Variants in LRP1B observed in about 807,000 individuals in gnomAD.
LRP1B encodes the protein LDL receptor related protein 1B.
Under a neutral mutation model 556.6 loss-of-function variants are expected in LRP1B, and 217 were observed. The observed-to-expected ratio is 0.39, with a 90% CI of 0.35 to 0.44. The LOEUF (loss-of-function observed/expected upper bound fraction) is 0.44. Among genes scored for constraint, LRP1B ranks in the 20% least tolerant of loss-of-function variants. The pLI, the probability that LRP1B is intolerant of heterozygous loss-of-function variation, is 1.00. For missense variants in LRP1B, 5,053 were observed against 5,620.8 expected (o/e 0.90, Z 3.23); for synonymous variants, 2,047 against 1,865.8 (o/e 1.10, Z -2.50).
At chr2:140,601,314 A>T (rs1682663337) in intron 42 of LRP1B, 136 bp downstream of exon 42, 2 of 810,270 alleles carry the variant, frequency 2.5e-6, no homozygotes, top group South Asian at 3.1e-5. Flanking sequence ...ACATAAAAAA[A>T]AAAGTTTTAT....
At chr2:142,034,762 C>T (rs1231682540) in intron 1 of LRP1B, among the ~76,000 whole-genome samples, 1 of 151,720 alleles carries the variant, frequency 6.6e-6, no homozygotes, top group African/African-American at 2.4e-5. Flanking sequence ...TCACATTAAT[C>T]ATTAATATGC....
intron 20 of LRP1B, among the ~76,000 whole-genome samples, chr2:140,926,947 A>G (rs1034648475): frequency 2.6e-5 from 4 of 152,070 alleles, no homozygotes; most frequent in African/African-American, 9.7e-5. Flanking sequence ...CTTATGCTTT[A>G]TATTCATTAC....
chr2:142,009,588 T>C (rs1702893587), intron 1 of LRP1B, among the ~76,000 whole-genome samples: 1 of 152,114 alleles, frequency 6.6e-6, no homozygotes, highest in Non-Finnish European at 1.5e-5. Flanking sequence ...AGAGTGTCCA[T>C]AATAAAATCT....
intron 41 of LRP1B, among the ~76,000 whole-genome samples, chr2:140,675,166 C>T (rs1330165186): frequency 6.6e-6 from 1 of 152,200 alleles, no homozygotes; most frequent in East Asian, 1.9e-4. Flanking sequence ...ATTATCTAAT[C>T]CAGGACAATT....
At chr2:141,150,452 C>T (rs756584349) in intron 7 of LRP1B, among the ~76,000 whole-genome samples, 58 of 152,096 alleles carry the variant, frequency 3.8e-4, no homozygotes, top group Non-Finnish European at 7.4e-4. Flanking sequence ...CAAAGTGTTT[C>T]CCTTCACTCT....
rs534342610 is a variant in LRP1B at position 142,002,490 on chromosome 2, A to G, written c.82+128158T>C. Among the ~76,000 whole-genome samples, 14 of 151,692 alleles carry G rather than the reference A, an allele frequency of 9.2e-5. No homozygotes were observed. The South Asian group carries it at 2.9e-3, about 32-fold the overall frequency. ...AAGGATAAGTGCTGCTAGCCCTTTT[A>G]TTTCACTGCTTGGTGTGATACCATC... is the stretch of plus-strand genomic sequence containing the variant. On this transcript the variant is annotated intron_variant, in intron 1 of 90. Transcript: ENST00000389484.
chr2:140,939,885 ATTTT>A (rs3063651), intron 20 of LRP1B, among the ~76,000 whole-genome samples: 1 of 132,648 alleles, frequency 7.5e-6, no homozygotes, highest in Non-Finnish European at 1.6e-5. Flanking sequence ...ATTTGGTGTA[ATTTT>A]TTTTTTTTTT....
chr2:140,817,396 C>A (rs1168518485), intron 31 of LRP1B, among the ~76,000 whole-genome samples: 1 of 151,832 alleles, frequency 6.6e-6, no homozygotes, highest in Non-Finnish European at 1.5e-5. Context: ...CTTATCTTTT[C>A]TATTTTTATA....
At chr2:141,121,375 G>A (rs941582082) in intron 7 of LRP1B, among the ~76,000 whole-genome samples, 3 of 151,798 alleles carry the variant, frequency 2.0e-5, no homozygotes, top group African/African-American at 7.3e-5. Flanking sequence ...TTATGGTTAG[G>A]GCACAGACAT....
Position 140,370,801 on chromosome 2 carries a change from G to A in LRP1B, c.10917C>T (p.Cys3639=), listed in dbSNP as rs1273404365. ...TTGGAATACAGTGGGCTTTATTTTT[G>A]CACCGAAACTGATCTTCCTTACATT... is the stretch of plus-strand genomic sequence containing the variant. ...VTECKEDQFR[C]KNKAHCIPIR... is the part of the protein sequence containing the mutation. Residue 3639 remains cysteine (C), a synonymous_variant, in exon 71 of 91, where the codon TGC becomes TGT. Coordinates refer to ENST00000389484, the MANE Select transcript of LRP1B (RefSeq NM_018557.3). 4 of 1,612,474 alleles carry A rather than the reference G, an allele frequency of 2.5e-6. No homozygotes were observed. Among genetic ancestry groups the A allele is most frequent in the Non-Finnish European group, 3.4e-6 (4 of 1,179,074 alleles).
chr2:142,124,149 C>A (rs550215472), intron 1 of LRP1B, among the ~76,000 whole-genome samples: 1 of 151,782 alleles, frequency 6.6e-6, no homozygotes, highest in Admixed American at 6.6e-5. Flanking sequence ...GGTGTTAAGC[C>A]CAGTGCCCAA....
intron 45 of LRP1B, among the ~76,000 whole-genome samples, chr2:140,539,213 T>G (rs2105011674): frequency 6.6e-6 from 1 of 152,212 alleles, no homozygotes; most frequent in South Asian, 2.1e-4. Context: ...GTACATGGCC[T>G]TTCACCCCTT....
chr2:141,934,087 T>C (rs553671888), intron 1 of LRP1B, among the ~76,000 whole-genome samples: 177 of 152,284 alleles, frequency 1.2e-3, no homozygotes, highest in African/African-American at 4.1e-3. Context: ...AATTATAAAA[T>C]AGCCAAGGAT....
At chr2:140,845,373 A>G (rs751253555) in intron 29 of LRP1B, among the ~76,000 whole-genome samples, 9 of 152,170 alleles carry the variant, frequency 5.9e-5, no homozygotes, top group Non-Finnish European at 1.2e-4. Flanking sequence ...ATAAAGTTAA[A>G]CTGATTCCTG....
chr2:140,483,174 T>A (rs1688311025), intron 59 of LRP1B, among the ~76,000 whole-genome samples: 1 of 152,196 alleles, frequency 6.6e-6, no homozygotes, highest in Admixed American at 6.5e-5. Flanking sequence ...TTGGTTATAA[T>A]ATGACATATC....
At chr2:141,609,617 C>T (rs1006089430) in intron 2 of LRP1B, among the ~76,000 whole-genome samples, 5 of 152,178 alleles carry the variant, frequency 3.3e-5, no homozygotes, top group Non-Finnish European at 5.9e-5. Context: ...TCAGCACTCA[C>T]AATTCATAAA....
At chr2:140,487,448 A>T (rs971480180) in intron 58 of LRP1B, among the ~76,000 whole-genome samples, 169 bp downstream of exon 58, 1 of 151,966 alleles carries the variant, frequency 6.6e-6, no homozygotes, top group Non-Finnish European at 1.5e-5. Context: ...TAAGAATAAA[A>T]GGTCTCATTT....
intron 23 of LRP1B, chr2:140,899,048 G>T: frequency 6.8e-6 from 2 of 293,434 alleles, no homozygotes; most frequent in South Asian, 7.0e-5. Flanking sequence ...GATATGGAAG[G>T]TAATCTTTTT....
At position 140,506,807 on chromosome 2, in the gene LRP1B, G is replaced by A. The variant is rs1210395358; in HGVS notation, c.8510C>T (p.Ser2837Leu). 6 of 1,613,198 alleles carry A rather than the reference G, an allele frequency of 3.7e-6. No homozygotes were observed. The highest frequency in any genetic ancestry group is 4.2e-6 in the Non-Finnish European group (5 of 1,179,562). Reference protein sequence around the residue: ...DDDCGDGSDESPQCGYRQCGT... With the variant: ...DDDCGDGSDELPQCGYRQCGT... ...TTAGATGTACTTACCACACTGCGGTGACTCATCAGAGCCATCTCCACAGTC... is the reference window on the plus strand; with the variant it reads ...TTAGATGTACTTACCACACTGCGGTAACTCATCAGAGCCATCTCCACAGTC... Residue 2837 changes from serine to leucine, a missense_variant, in exon 53 of 91, where the codon TCA becomes TTA. Ser to Leu is a moderately radical substitution (Grantham distance 145, BLOSUM62 -2). Transcript: ENST00000389484.
Sources: gnomAD v4.1 joint callset for allele counts (sites outside exome capture counted in the v4.1 genomes callset) on GRCh38, gnomAD v4.1.1 for gene constraint, MANE v1.5 for transcripts, NCBI Gene and HGNC (gene_info 2026-07-23, HGNC 2026-07-21) for gene names.